Variants in CWH43 observed in about 807,000 individuals in gnomAD.
The protein encoded by CWH43 is cell wall biogenesis 43 C-terminal homolog, also known as PGAP2-interacting protein.
A neutral mutation model predicts 85.7 loss-of-function variants in CWH43; 91 were observed. The ratio of observed to expected loss-of-function variants is 1.06; its 90% CI spans 0.90 to 1.26. The LOEUF (loss-of-function observed/expected upper bound fraction) is 1.26, where lower values mean the gene tolerates loss of function less well. Among genes scored for constraint, CWH43 ranks in the 50% most tolerant of loss-of-function variants. The probability of loss-of-function intolerance (pLI) is 0.00; values close to 1 mark genes in which losing one functional copy is unlikely to be tolerated. For synonymous variants in CWH43, 323 were observed against 293.6 expected (o/e 1.10, Z -1.02); for missense variants, 869 against 839.2 (o/e 1.04, Z -0.44).
chr4:49,054,493 G>A (rs1220441825), intron 15 of CWH43, among the ~76,000 whole-genome samples: 1 of 151,970 alleles, frequency 6.6e-6, no homozygotes, highest in African/African-American at 2.4e-5. Context: ...TGCTTGAGGT[G>A]TTTTGTGGTC....
At chr4:49,032,197 T>C in intron 11 of CWH43, among the ~76,000 whole-genome samples, 1 of 152,244 alleles carries the variant, frequency 6.6e-6, no homozygotes, top group East Asian at 1.9e-4. Flanking sequence ...TTACTCCATG[T>C]TCTAGCTGGC....
At chr4:49,030,573 C>T (rs1187945920) in intron 10 of CWH43, among the ~76,000 whole-genome samples, 1 of 152,160 alleles carries the variant, frequency 6.6e-6, no homozygotes, top group Non-Finnish European at 1.5e-5. Flanking sequence ...TGATGTTGAG[C>T]ACATTTGAAA....
intron 4 of CWH43, among the ~76,000 whole-genome samples, chr4:48,993,182 C>T (rs1782710147): frequency 6.6e-6 from 1 of 152,184 alleles, no homozygotes; most frequent in Non-Finnish European, 1.5e-5. Context: ...CACCCTGCAC[C>T]TTCTCAGCCT....
At chr4:49,016,614 A>G in intron 8 of CWH43, 2 of 742,096 alleles carry the variant, frequency 2.7e-6, no homozygotes, top group South Asian at 2.7e-5. Flanking sequence ...GGATGAGGCC[A>G]CAAAAGAGGG....
At chr4:49,044,923 A>G (rs540156506) in intron 14 of CWH43, 76 bp downstream of exon 14, 1 of 1,152,400 alleles carries the variant, frequency 8.7e-7, no homozygotes, top group Admixed American at 2.2e-5. Context: ...AAGGAAAAAG[A>G]ACTTTATGGA....
intron 6 of CWH43, among the ~76,000 whole-genome samples, chr4:49,000,146 G>A (rs1782943685): frequency 6.6e-6 from 1 of 152,156 alleles, no homozygotes; most frequent in Non-Finnish European, 1.5e-5. Flanking sequence ...TAATTAAGTT[G>A]GTGATTCAGA....
At chr4:49,020,384 TACACACACACACAC>T (rs35489918) in intron 9 of CWH43, among the ~76,000 whole-genome samples, 3 of 120,166 alleles carry the variant, frequency 2.5e-5, no homozygotes, top group East Asian at 2.2e-4. Context: ...AGTATTCCAT[TACACACACACACAC>T]ACACACACAC....
At chr4:49,050,903 A>C in intron 15 of CWH43, 54 bp downstream of exon 15, 1 of 1,288,968 alleles carries the variant, frequency 7.8e-7, no homozygotes, top group Non-Finnish European at 1.1e-6. Context: ...CCCTCTATGG[A>C]ACCTACATAT....
Position 49,003,920 on chromosome 4 carries a change from T to A in CWH43, c.988T>A (p.Cys330Ser), listed in dbSNP as rs749406472. 3.1e-6 allele frequency: 5 copies of A among 1,613,862 alleles called. No individual in the cohort carries two copies. The highest frequency in any genetic ancestry group is 4.2e-6 in the Non-Finnish European group (5 of 1,179,888). ...ATTTTATCTTCTAGAAATATTTTTCTGTGCCTGGTGCACAGCTTTTAAGTT... is the reference window on the plus strand; with the variant it reads ...ATTTTATCTTCTAGAAATATTTTTCAGTGCCTGGTGCACAGCTTTTAAGTT... ...MIFYLLEIFF[C>S]AWCTAFKFVP... The change falls in exon 7 of 16, where the codon TGT (cysteine) becomes AGT (serine). Residue 330 changes from cysteine (C) to serine (S), a missense_variant. By Grantham distance (112) the Cys-to-Ser change is moderately radical (BLOSUM62 -1). This residue lies in a region of CWH43 where 577 missense variants were observed against 513.1 expected (regional missense o/e 1.12). Coordinates refer to ENST00000226432, the MANE Select transcript of CWH43 (RefSeq NM_025087.3).
At chr4:49,004,125 C>T (rs982446218) in intron 7 of CWH43, 133 bp downstream of exon 7, 19 of 780,534 alleles carry the variant, frequency 2.4e-5, no homozygotes, top group Non-Finnish European at 3.3e-5. Flanking sequence ...AATAGACTCT[C>T]TTGATTAAAA....
At chr4:49,038,885 C>T (rs1391633458) in intron 13 of CWH43, among the ~76,000 whole-genome samples, 3 of 151,142 alleles carry the variant, frequency 2.0e-5, no homozygotes, top group East Asian at 2.0e-4. Context: ...GGTGAAACCC[C>T]GTCTCTACTA....
intron 13 of CWH43, among the ~76,000 whole-genome samples, chr4:49,041,606 C>G (rs1349036665): frequency 3.3e-5 from 5 of 152,134 alleles, no homozygotes; most frequent in Non-Finnish European, 5.9e-5. Context: ...TATCCTGAGA[C>G]TTTGCTGAAG....
rs775723048 is a variant in CWH43, at chr4:48,991,462, G to A, written c.244G>A (p.Ala82Thr). 5.6e-6 allele frequency: 9 copies of A among 1,614,024 alleles called. No individual in the cohort carries two copies. Among genetic ancestry groups the A allele is most frequent in the South Asian group, 1.1e-5 (1 of 91,064 alleles). Residue 82 changes from alanine (A) to threonine (T), a missense_variant, in exon 3 of 16, where the codon GCC becomes ACC. Coordinates refer to ENST00000226432, the MANE Select transcript of CWH43 (RefSeq NM_025087.3). ...CCCTATTTTGTTTGTAGGCAGCATAGCCTCCTTCCAGGCTCCAAATGCCAA... is the reference window on the plus strand; with the variant it reads ...CCCTATTTTGTTTGTAGGCAGCATAACCTCCTTCCAGGCTCCAAATGCCAA... ...LLRIITIGSI[A>T]SFQAPNAKLR...
intron 6 of CWH43, among the ~76,000 whole-genome samples, chr4:49,002,558 A>G (rs1783024316): frequency 1.3e-5 from 2 of 152,148 alleles, no homozygotes; most frequent in Non-Finnish European, 2.9e-5. Flanking sequence ...ACAATCCTTA[A>G]TTGCTTCTTT....
chr4:49,046,005 C>G (rs1784611005), intron 14 of CWH43, among the ~76,000 whole-genome samples: 1 of 152,158 alleles, frequency 6.6e-6, no homozygotes, highest in Non-Finnish European at 1.5e-5. Flanking sequence ...CCCCATCTCT[C>G]CCTTCTCCCT....
chr4:49,025,511 G>A (rs1252372831), intron 9 of CWH43, among the ~76,000 whole-genome samples: 1 of 152,196 alleles, frequency 6.6e-6, no homozygotes, highest in Non-Finnish European at 1.5e-5. Context: ...TGGGACTCAA[G>A]TGCTGCTCTT....
intron 12 of CWH43, 56 bp from the exon 13 acceptor site, chr4:49,037,980 C>A: frequency 6.6e-7 from 1 of 1,512,602 alleles, no homozygotes. Context: ...GTACCTAAGG[C>A]TTTTTAAAGT....
intron 15 of CWH43, among the ~76,000 whole-genome samples, chr4:49,055,361 G>T (rs1381522287): frequency 6.6e-6 from 1 of 152,066 alleles, no homozygotes; most frequent in Non-Finnish European, 1.5e-5. Flanking sequence ...AATCCCCCTT[G>T]ATCAGGGTGT....
chr4:49,013,631 CTT>C (rs56338496), intron 8 of CWH43, among the ~76,000 whole-genome samples: 1 of 151,156 alleles, frequency 6.6e-6, no homozygotes, highest in African/African-American at 2.4e-5. Flanking sequence ...TATTTCTCTA[CTT>C]TTTTTTTTGT....
Sources: gnomAD v4.1 joint callset for allele counts (sites outside exome capture counted in the v4.1 genomes callset) on GRCh38, gnomAD v4.1.1 for gene constraint, gnomAD v4.1.1 regional missense constraint, MANE v1.5 for transcripts, NCBI Gene and HGNC (gene_info 2026-07-23, HGNC 2026-07-21) for gene names.